The following RAPGEF2 variants were observed in gnomAD, a reference collection of about 807,000 sequenced individuals.
The protein encoded by RAPGEF2 is Rap guanine nucleotide exchange factor 2, also known as PDZ domain containing guanine nucleotide exchange factor (GEF) 1.
In RAPGEF2, 54 loss-of-function variants were observed where a neutral mutation model predicts 186.7. The ratio of observed to expected loss-of-function variants is 0.29; its 90% CI spans 0.23 to 0.36. The LOEUF (loss-of-function observed/expected upper bound fraction) is 0.36, where lower values mean the gene tolerates loss of function less well. RAPGEF2 is among the 10% of genes least tolerant of loss of function. The pLI is 1.00. For synonymous variants in RAPGEF2, 712 were observed against 705.9 expected (o/e 1.01, Z -0.14); for missense variants, 1,532 against 2,045.0 (o/e 0.75, Z 4.84).
intron 26 of RAPGEF2, 124 bp downstream of exon 26, chr4:159,350,413 A>G: frequency 1.3e-6 from 1 of 771,118 alleles, no homozygotes. Flanking sequence ...CTCATTTGCA[A>G]TGCCCAATGG....
chr4:159,204,458 G>T (rs954552594), intron 3 of RAPGEF2, among the ~76,000 whole-genome samples: 3 of 152,212 alleles, frequency 2.0e-5, no homozygotes, highest in Non-Finnish European at 4.4e-5. Flanking sequence ...GAGGGGGTCA[G>T]ATCAAGTATT....
chr4:159,310,502 A>G (rs1164036870), intron 8 of RAPGEF2, among the ~76,000 whole-genome samples: 2 of 152,090 alleles, frequency 1.3e-5, no homozygotes, highest in East Asian at 1.9e-4. Flanking sequence ...TTTGTTTGTG[A>G]ATTTTCTTGA....
At position 159,352,672 on chromosome 4, in the gene RAPGEF2, A is replaced by T. The variant is rs750865816; in HGVS notation, c.3866-13A>T. 13 of 1,592,656 alleles carry T rather than the reference A, an allele frequency of 8.2e-6. No homozygotes were observed. The Middle Eastern group carries it at 5.0e-4, about 61-fold the overall frequency. ...TAGAGAGTCTAATTAATACGGTTGT[A>T]TTTCTCATGCAGGCTATACTTTGGC... On this transcript the variant is annotated splice_polypyrimidine_tract_variant and intron_variant, in intron 26 of 29. Transcript: ENST00000691494.
Position 159,265,658 on chromosome 4 carries a change from T to A in RAPGEF2, c.543+21867T>A, listed in dbSNP as rs145974301. On this transcript the variant is annotated intron_variant, in intron 7 of 29. Coordinates refer to ENST00000691494, the MANE Select transcript of RAPGEF2 (RefSeq NM_001394067.2). ...GTTTTCATTTGTAAAAGGAGCTTAG[T>A]GGATGAGGGCAAAATGATCAGGCTT... Among the ~76,000 whole-genome samples the A allele has an allele frequency of 2.6e-4, 39 of 152,222 alleles. No individual in the cohort carries two copies. In the East Asian group the frequency reaches 7.3e-3, roughly 29 times the overall value.
chr4:159,245,668 G>A (rs1194818423), intron 7 of RAPGEF2, among the ~76,000 whole-genome samples: 1 of 152,028 alleles, frequency 6.6e-6, no homozygotes, highest in African/African-American at 2.4e-5. Flanking sequence ...AAAATGGAGA[G>A]GAGAGGAAGG....
chr4:159,314,295 A>G (rs531878179), intron 8 of RAPGEF2, among the ~76,000 whole-genome samples: 1 of 152,364 alleles, frequency 6.6e-6, no homozygotes, highest in South Asian at 2.1e-4. Context: ...TGGAGTGAAA[A>G]CAAATACTTT....
intron 1 of RAPGEF2, among the ~76,000 whole-genome samples, chr4:159,149,817 GT>G (rs1743339967): frequency 6.6e-6 from 1 of 152,156 alleles, no homozygotes. Flanking sequence ...TTTACCCATT[GT>G]TTGTTTTAGT....
intron 2 of RAPGEF2, among the ~76,000 whole-genome samples, chr4:159,188,064 TAGA>T (rs1747730120): frequency 6.6e-6 from 1 of 151,128 alleles, no homozygotes; most frequent in Non-Finnish European, 1.5e-5. Context: ...ACTGGGATTT[TAGA>T]AGATGGCTCA....
At chr4:159,255,420 T>C (rs980580696) in intron 7 of RAPGEF2, among the ~76,000 whole-genome samples, 1 of 152,140 alleles carries the variant, frequency 6.6e-6, no homozygotes, top group Non-Finnish European at 1.5e-5. Flanking sequence ...CTTGTTCTTA[T>C]ATTAAGACAT....
At chr4:159,142,516 T>G (rs1009188700) in intron 1 of RAPGEF2, among the ~76,000 whole-genome samples, 6 of 151,680 alleles carry the variant, frequency 4.0e-5, no homozygotes, top group South Asian at 2.1e-4. Context: ...CTTCATGGTT[T>G]TTTTTTTTTT....
At chr4:159,173,673 A>G (rs747975861) in intron 1 of RAPGEF2, among the ~76,000 whole-genome samples, 29 of 152,222 alleles carry the variant, frequency 1.9e-4, no homozygotes, top group Non-Finnish European at 3.2e-4. Context: ...TTTTAATTGA[A>G]ATTGAAGATA....
At chr4:159,347,811 G>A (rs545843929) in intron 25 of RAPGEF2, among the ~76,000 whole-genome samples, 1 of 152,222 alleles carries the variant, frequency 6.6e-6, no homozygotes, top group East Asian at 1.9e-4. Flanking sequence ...ACATCTAGTA[G>A]TTTAGCCCCT....
intron 4 of RAPGEF2, among the ~76,000 whole-genome samples, chr4:159,230,037 T>C (rs545655422): frequency 6.6e-6 from 1 of 152,326 alleles, no homozygotes; most frequent in Admixed American, 6.5e-5. Flanking sequence ...GAGATTGAAT[T>C]GTTGAAAGGC....
chr4:159,315,260 T>G (rs1764426701), intron 9 of RAPGEF2, among the ~76,000 whole-genome samples: 1 of 152,050 alleles, frequency 6.6e-6, no homozygotes, highest in Admixed American at 6.5e-5. Context: ...GTGTGATGGT[T>G]GAGACTTTTT....
At chr4:159,240,810 T>G (rs941537089) in intron 5 of RAPGEF2, among the ~76,000 whole-genome samples, 9 of 125,586 alleles carry the variant, frequency 7.2e-5, no homozygotes, top group African/African-American at 1.4e-4. Context: ...CATCAGGGTT[T>G]TTTTTTTTTT....
At chr4:159,158,263 C>T (rs567571662) in intron 1 of RAPGEF2, among the ~76,000 whole-genome samples, 31 of 152,278 alleles carry the variant, frequency 2.0e-4, no homozygotes, top group Admixed American at 8.5e-4. Context: ...ATCAGTGATC[C>T]TTTATCTTTC....
At chr4:159,157,717 A>G (rs1744279026) in intron 1 of RAPGEF2, among the ~76,000 whole-genome samples, 1 of 152,220 alleles carries the variant, frequency 6.6e-6, no homozygotes, top group African/African-American at 2.4e-5. Context: ...TTCTATTGCC[A>G]TGGTTTTCCT....
At chr4:159,104,519 A>AGAGG (rs1737602635) in intron 1 of RAPGEF2, among the ~76,000 whole-genome samples, 2 of 118,810 alleles carry the variant, frequency 1.7e-5, no homozygotes, top group East Asian at 2.3e-4. Flanking sequence ...AGAGAGAGAG[A>AGAGG]GAGAGAGGGA....
chr4:159,329,797 A>C, intron 11 of RAPGEF2, 61 bp from the exon 12 acceptor site: 5 of 1,331,696 alleles, frequency 3.8e-6, no homozygotes, highest in Non-Finnish European at 4.1e-6. Context: ...CTGAATTATT[A>C]GTACTGCTAG....
Sources: allele counts gnomAD v4.1 joint callset (sites outside exome capture counted in the v4.1 genomes callset), GRCh38; gene constraint gnomAD v4.1.1; transcripts MANE v1.5; gene names NCBI Gene and HGNC (gene_info 2026-07-23, HGNC 2026-07-21).